Variants in UNC79 observed in about 807,000 individuals in gnomAD.
UNC79 encodes unc-79 subunit of NALCN channel complex.
A neutral mutation model predicts 283.1 loss-of-function variants in UNC79; 37 were observed. The ratio of observed to expected loss-of-function variants is 0.13; its 90% CI spans 0.10 to 0.17. The LOEUF (loss-of-function observed/expected upper bound fraction) is 0.17, where lower values mean the gene tolerates loss of function less well. Ranked by LOEUF, UNC79 falls within the 10% of genes least tolerant of loss-of-function variation. The pLI is 1.00. For missense variants in UNC79, 2,272 were observed against 3,211.1 expected (o/e 0.71, Z 7.07); for synonymous variants, 1,107 against 1,200.2 (o/e 0.92, Z 1.61).
chr14:93,425,355 A>C (rs901550815), upstream of UNC79, among the ~76,000 whole-genome samples: 1 of 152,176 alleles, frequency 6.6e-6, no homozygotes, highest in Non-Finnish European at 1.5e-5. Flanking sequence ...ACCATGACAC[A>C]TGGGGATTTT....
chr14:93,363,033 T>C (rs1378088870), intron 1 of UNC79, among the ~76,000 whole-genome samples: 2 of 152,160 alleles, frequency 1.3e-5, no homozygotes, highest in Non-Finnish European at 2.9e-5. Flanking sequence ...TTTGTTTTTC[T>C]AGTTCCTCTA....
At chr14:93,616,997 G>A (rs962121250) in intron 27 of UNC79, 125 bp from the exon 29 acceptor site, 16 of 775,770 alleles carry the variant, frequency 2.1e-5, no homozygotes, top group Non-Finnish European at 3.2e-5. Context: ...AATATTCTGT[G>A]GGATGCCTGT....
intron 1 of UNC79, among the ~76,000 whole-genome samples, chr14:93,354,924 T>C (rs2054053683): frequency 6.6e-6 from 1 of 152,140 alleles, no homozygotes; most frequent in South Asian, 2.1e-4. Flanking sequence ...TAATGAGAAG[T>C]AGATCATGTT....
chr14:93,364,487 C>T (rs1269700010), intron 1 of UNC79, among the ~76,000 whole-genome samples: 1 of 150,130 alleles, frequency 6.7e-6, no homozygotes, highest in Non-Finnish European at 1.5e-5. Context: ...CACCTCCAAA[C>T]AAATCTGGAG....
intron 39 of UNC79, among the ~76,000 whole-genome samples, chr14:93,659,970 G>A (rs1416941909): frequency 6.6e-6 from 1 of 151,982 alleles, no homozygotes; most frequent in African/African-American, 2.4e-5. Context: ...AGCTTCCATG[G>A]TATTTGATAG....
chr14:93,630,873 G>T (rs937108046), exon 31 of UNC79: 2 of 1,614,034 alleles, frequency 1.2e-6, no homozygotes, highest in Non-Finnish European at 1.7e-6. Flanking sequence ...TTAGATGCAG[G>T]TGTGCCGGAA....
At chr14:93,648,287 C>A (rs1437735408) in intron 35 of UNC79, among the ~76,000 whole-genome samples, 4 of 152,040 alleles carry the variant, frequency 2.6e-5, no homozygotes, top group Non-Finnish European at 5.9e-5. Flanking sequence ...TAAAATAAAT[C>A]TTTTTAAGGA....
In UNC79 at chr14:93,347,149, C is replaced by A. The variant is rs1036138106; in HGVS notation, c.-351+13626C>A. 3 of 1,210,302 alleles carry A rather than the reference C, an allele frequency of 2.5e-6. No homozygotes were observed. In the African/African-American group the frequency reaches 4.7e-5, roughly 19 times the overall value. 75.0% of individuals were successfully genotyped at this position (1,210,302 alleles called of 1,614,324 possible). On this transcript the variant is annotated intron_variant, in intron 1 of 49. Transcript: ENST00000256339. ...GGTGGGGTAGGGGGCGAGGGCAGAG[C>A]GCCCCCTCGTGGCTGGGGCGCCTGC... is the stretch of plus-strand genomic sequence containing the variant.
chr14:93,480,120 C>G (rs1446887200), intron 4 of UNC79, among the ~76,000 whole-genome samples: 1 of 152,254 alleles, frequency 6.6e-6, no homozygotes, highest in East Asian at 1.9e-4. Flanking sequence ...AAACACAGAT[C>G]CCAAAACATG....
Position 93,691,647 on chromosome 14 carries a change from C to A in UNC79, c.7273-102C>A. 8 of 1,202,614 alleles carry A rather than the reference C, an allele frequency of 6.7e-6. No homozygotes were observed. The South Asian group carries it at 9.9e-5, about 15-fold the overall frequency. 74.5% of individuals were successfully genotyped at this position (1,202,614 alleles called of 1,614,324 possible). On this transcript the variant is annotated intron_variant, in intron 45 of 48. Coordinates refer to ENST00000555664, the Ensembl canonical transcript of UNC79. ...GAGATAACGTTATGCCTTTGTGCTT[C>A]CCCTGTGCTCCCTGGCAAGACCAAA...
chr14:93,658,071 A>G (rs970913192), intron 38 of UNC79, among the ~76,000 whole-genome samples: 6 of 152,198 alleles, frequency 3.9e-5, no homozygotes, highest in Non-Finnish European at 7.3e-5. Flanking sequence ...GAGCAGATTA[A>G]ATAGAACCAG....
intron 14 of UNC79, among the ~76,000 whole-genome samples, chr14:93,567,704 G>A (rs1415031579): frequency 6.6e-6 from 1 of 152,154 alleles, no homozygotes; most frequent in Non-Finnish European, 1.5e-5. Flanking sequence ...TCTTTTATCA[G>A]TAGAATGACT....
intron 14 of UNC79, among the ~76,000 whole-genome samples, chr14:93,565,671 AGC>A (rs1258718846): frequency 1.1e-5 from 1 of 94,196 alleles, no homozygotes; most frequent in African/African-American, 3.7e-5. Flanking sequence ...TTGCTTTAAC[AGC>A]AAACTAACAG....
At chr14:93,629,585 A>G (rs945039002) in intron 30 of UNC79, among the ~76,000 whole-genome samples, 5 of 152,218 alleles carry the variant, frequency 3.3e-5, no homozygotes, top group African/African-American at 1.2e-4. Flanking sequence ...CTGAGAATCA[A>G]AAATAGATGC....
At chr14:93,491,308 A>AAT (rs922126742) in intron 5 of UNC79, among the ~76,000 whole-genome samples, 64 of 151,856 alleles carry the variant, frequency 4.2e-4, no homozygotes, top group African/African-American at 1.5e-3. Flanking sequence ...ATATAATTAA[A>AAT]ATATATATAT....
intron 7 of UNC79, among the ~76,000 whole-genome samples, chr14:93,522,076 T>G (rs1264588703): frequency 6.6e-6 from 1 of 151,764 alleles, no homozygotes; most frequent in Non-Finnish European, 1.5e-5. Flanking sequence ...CAACACTCAG[T>G]AAAAATGGAA....
At chr14:93,658,598 G>A (rs2071206490) in intron 38 of UNC79, among the ~76,000 whole-genome samples, 1 of 152,144 alleles carries the variant, frequency 6.6e-6, no homozygotes, top group South Asian at 2.1e-4. Flanking sequence ...TGTCAATATA[G>A]AACTTGAATG....
At chr14:93,488,131 A>T (rs2058538951) in intron 5 of UNC79, among the ~76,000 whole-genome samples, 1 of 152,216 alleles carries the variant, frequency 6.6e-6, no homozygotes, top group Non-Finnish European at 1.5e-5. Context: ...TAAACCTTTC[A>T]CTATATTTCT....
At chr14:93,706,547 C>T (rs921528576) in intron 48 of UNC79, among the ~76,000 whole-genome samples, 157 bp from the exon 52 acceptor site, 2 of 152,166 alleles carry the variant, frequency 1.3e-5, no homozygotes, top group African/African-American at 2.4e-5. Flanking sequence ...TGCGATCCCC[C>T]GCCCTGGGCA....
Sources: gnomAD v4.1 joint callset for allele counts (sites outside exome capture counted in the v4.1 genomes callset) on GRCh38, gnomAD v4.1.1 for gene constraint, MANE v1.5 for transcripts, NCBI Gene and HGNC (gene_info 2026-07-23, HGNC 2026-07-21) for gene names.